SEZ6L: variants seen among roughly 807,000 people sequenced by gnomAD.
SEZ6L encodes seizure related 6 homolog like.
Under a neutral mutation model 106.2 loss-of-function variants are expected in SEZ6L, and 37 were observed. The ratio of observed to expected loss-of-function variants is 0.35; its 90% CI spans 0.27 to 0.46. The LOEUF (loss-of-function observed/expected upper bound fraction) is 0.46, where lower values mean the gene tolerates loss of function less well. SEZ6L is among the 20% of genes least tolerant of loss of function. The pLI is 1.00. For synonymous variants in SEZ6L, 541 were observed against 570.4 expected (o/e 0.95, Z 0.73); for missense variants, 1,172 against 1,332.8 (o/e 0.88, Z 1.88).
intron 1 of SEZ6L, among the ~76,000 whole-genome samples, chr22:26,260,986 A>C (rs951456971): frequency 9.9e-5 from 15 of 152,082 alleles, no homozygotes. Context: ...ATCATTAGTG[A>C]TGTTGAGCAT....
At chr22:26,324,528 G>A (rs1044208213) in intron 9 of SEZ6L, among the ~76,000 whole-genome samples, 1 of 152,204 alleles carries the variant, frequency 6.6e-6, no homozygotes, top group African/African-American at 2.4e-5. Context: ...GCTTTGGACT[G>A]TAAGAATTCT....
At chr22:26,188,454 T>G (rs918137161) in intron 1 of SEZ6L, among the ~76,000 whole-genome samples, 3 of 152,132 alleles carry the variant, frequency 2.0e-5, no homozygotes, top group Non-Finnish European at 4.4e-5. Flanking sequence ...AAGTTTTCCC[T>G]CATGTGACTT....
intron 9 of SEZ6L, among the ~76,000 whole-genome samples, chr22:26,333,032 G>A (rs754054094): frequency 2.6e-5 from 4 of 152,190 alleles, no homozygotes; most frequent in Non-Finnish European, 5.9e-5. Flanking sequence ...GCTAAATGTG[G>A]GTCCTGTGAA....
In SEZ6L at chr22:26,313,642, A is replaced by G. The variant is rs1601469472; in HGVS notation, c.1877-122A>G. 8.7e-6 allele frequency: 10 copies of G among 1,148,392 alleles called. No individual in the cohort carries two copies. The East Asian group carries it at 2.4e-4, about 28-fold the overall frequency. 71.1% of individuals were successfully genotyped at this position (1,148,392 alleles called of 1,614,324 possible). Reference sequence around the variant, plus strand: ...CGTGCTGGCTGCCCGAGGTGAAGACACCTGTCCACAGTACACAGAGATTCA... The same window carrying G: ...CGTGCTGGCTGCCCGAGGTGAAGACGCCTGTCCACAGTACACAGAGATTCA... On this transcript the variant is annotated intron_variant, in intron 8 of 16. Transcript: ENST00000248933.
intron 9 of SEZ6L, among the ~76,000 whole-genome samples, chr22:26,333,186 A>G (rs1315148591): frequency 6.6e-6 from 1 of 152,216 alleles, no homozygotes; most frequent in African/African-American, 2.4e-5. Flanking sequence ...GGGCTGCAGA[A>G]TGTGCCCAGA....
In SEZ6L at chr22:26,351,149, C is replaced by A; in HGVS notation, c.2505C>A (p.Asn835Lys). 1 of 1,614,226 alleles carries A rather than the reference C, an allele frequency of 6.2e-7. No individual in the cohort carries two copies. Among genetic ancestry groups the A allele is most frequent in the South Asian group, 1.1e-5 (1 of 91,086 alleles). The change falls in exon 12 of 17, where the codon AAC becomes AAA. Residue 835 changes from asparagine (N) to lysine (K), a missense_variant. Around this residue, in one of 4 missense-constraint regions of SEZ6L, gnomAD observed 534 missense variants for 691.0 expected, o/e 0.77. Transcript: ENST00000248933. ...GGACCACCATCCAATACACCTGCAA[C>A]CCCGGTTTTGTGCTTGAAGGGAGTT... Reference protein sequence around the residue: ...LVGTTIQYTCNPGFVLEGSSL... With the variant: ...LVGTTIQYTCKPGFVLEGSSL...
At chr22:26,320,346 G>T (rs1442903166) in intron 9 of SEZ6L, among the ~76,000 whole-genome samples, 5 of 152,110 alleles carry the variant, frequency 3.3e-5, no homozygotes, top group Non-Finnish European at 7.4e-5. Context: ...CCACAGACAG[G>T]CTCAGAATGG....
chr22:26,347,857 C>T lies in SEZ6L; in HGVS notation c.2351C>T (p.Thr784Ile), dbSNP rs1360444410. 1 of 1,598,022 alleles carries T rather than the reference C, an allele frequency of 6.3e-7. No individual in the cohort carries two copies. Among genetic ancestry groups the T allele is most frequent in the Non-Finnish European group, 8.5e-7 (1 of 1,175,128 alleles). ...DPGYDIVGSD[T>I]LTCQWDLSWS... ...GGCTATGACATCGTGGGGAGTGACA[C>T]CCTCACCTGCCAGTGGGACCTCAGC... Residue 784 changes from threonine to isoleucine, a missense_variant, in exon 11 of 17, where the codon ACC becomes ATC. By Grantham distance (89) the Thr-to-Ile change is moderately conservative. Coordinates refer to ENST00000248933, the MANE Select transcript of SEZ6L (RefSeq NM_021115.5).
chr22:26,360,821 A>C (rs2083591832), intron 12 of SEZ6L, among the ~76,000 whole-genome samples: 1 of 151,938 alleles, frequency 6.6e-6, no homozygotes, highest in Non-Finnish European at 1.5e-5. Flanking sequence ...TCTCTAATTC[A>C]CTGCTTCATA....
At chr22:26,245,772 G>A (rs1319982615) in intron 1 of SEZ6L, among the ~76,000 whole-genome samples, 1 of 152,172 alleles carries the variant, frequency 6.6e-6, no homozygotes, top group Non-Finnish European at 1.5e-5. Context: ...TTATGTGTCA[G>A]ATGGGGATGC....
chr22:26,169,679 G>A lies in SEZ6L; in HGVS notation c.10G>A (p.Ala4Thr), dbSNP rs989126830. MPA[A>T]RPPAAGLRGI... ...GCCCCCTGCAGCCACGATGCCCGCGGCCCGGCCGCCCGCCGCGGGACTCCG... is the reference window on the plus strand; with the variant it reads ...GCCCCCTGCAGCCACGATGCCCGCGACCCGGCCGCCCGCCGCGGGACTCCG... Residue 4 changes from alanine (A) to threonine (T), a missense_variant, in exon 1 of 17, where the codon GCC becomes ACC. Physicochemically the swap from Ala to Thr is moderately conservative, Grantham distance 58 (BLOSUM62 0). Transcript: ENST00000248933. The A allele has an allele frequency of 1.8e-5, 24 of 1,312,504 alleles. No individual in the cohort carries two copies. The South Asian group carries it at 3.1e-4, about 17-fold the overall frequency. 81.3% of individuals were successfully genotyped at this position (1,312,504 alleles called of 1,614,324 possible).
At chr22:26,283,078 C>T (rs971907298) in intron 1 of SEZ6L, among the ~76,000 whole-genome samples, 2 of 152,018 alleles carry the variant, frequency 1.3e-5, no homozygotes, top group African/African-American at 4.8e-5. Flanking sequence ...TGTGCCGCCA[C>T]ACCTGGCTAA....
chr22:26,294,506 T>C, intron 3 of SEZ6L, 81 bp downstream of exon 3: 1 of 1,435,760 alleles, frequency 7.0e-7, no homozygotes, highest in South Asian at 1.3e-5. Flanking sequence ...AGGCTTACTG[T>C]TATGCTAACT....
chr22:26,345,104 T>A (rs1370292032), intron 10 of SEZ6L, among the ~76,000 whole-genome samples: 1 of 151,468 alleles, frequency 6.6e-6, no homozygotes, highest in African/African-American at 2.4e-5. Context: ...GGTTATAGGG[T>A]GGTTTTCTAA....
intron 1 of SEZ6L, among the ~76,000 whole-genome samples, chr22:26,218,667 T>C (rs1239792557): frequency 6.6e-6 from 1 of 152,214 alleles, no homozygotes; most frequent in African/African-American, 2.4e-5. Context: ...CTGGGTGTAG[T>C]GGTGCATGCC....
intron 1 of SEZ6L, among the ~76,000 whole-genome samples, chr22:26,252,523 G>A (rs2079634292): frequency 6.6e-6 from 1 of 152,128 alleles, no homozygotes; most frequent in African/African-American, 2.4e-5. Context: ...CATCACCCAG[G>A]TACTGAGCAT....
At chr22:26,234,801 T>G (rs143946447) in intron 1 of SEZ6L, among the ~76,000 whole-genome samples, 7 of 152,338 alleles carry the variant, frequency 4.6e-5, no homozygotes, top group Non-Finnish European at 1.0e-4. Flanking sequence ...CACAGCCACA[T>G]ATACAAATAA....
chr22:26,205,348 T>C (rs1181975269), intron 1 of SEZ6L, among the ~76,000 whole-genome samples: 1 of 152,214 alleles, frequency 6.6e-6, no homozygotes, highest in East Asian at 1.9e-4. Flanking sequence ...ACATCAGTTG[T>C]TACTAGTTCT....
chr22:26,265,088 A>C (rs2080133558), intron 1 of SEZ6L, among the ~76,000 whole-genome samples: 1 of 152,084 alleles, frequency 6.6e-6, no homozygotes. Flanking sequence ...ACTCTTAATG[A>C]CATTTTGAAC....
Sources: allele counts gnomAD v4.1 joint callset (sites outside exome capture counted in the v4.1 genomes callset), GRCh38; gene constraint gnomAD v4.1.1; regional missense constraint gnomAD v4.1.1; transcripts MANE v1.5; gene names NCBI Gene and HGNC (gene_info 2026-07-23, HGNC 2026-07-21).